The following SPTBN4 variants were observed in gnomAD, a reference collection of about 807,000 sequenced individuals.
SPTBN4 encodes the protein spectrin beta, non-erythrocytic 4.
In SPTBN4, 96 loss-of-function variants were observed where a neutral mutation model predicts 277.8. The observed-to-expected ratio is 0.35, with a 90% CI of 0.29 to 0.41. The LOEUF (loss-of-function observed/expected upper bound fraction) is 0.41. Among genes scored for constraint, SPTBN4 ranks in the 10% least tolerant of loss-of-function variants. The probability of loss-of-function intolerance (pLI) is 1.00; values close to 1 mark genes in which losing one functional copy is unlikely to be tolerated. For missense variants in SPTBN4, 3,006 were observed against 3,595.7 expected, an observed-to-expected ratio of 0.84 and a Z score of 4.19; for synonymous variants, 1,481 against 1,580.3, an observed-to-expected ratio of 0.94 and a Z score of 1.49.
At chr19:40,485,043 A>G (rs1412230681) in intron 2 of SPTBN4, among the ~76,000 whole-genome samples, 1 of 151,782 alleles carries the variant, frequency 6.6e-6, no homozygotes, top group African/African-American at 2.4e-5. Context: ...GGGTTTCACC[A>G]TGTTGGCCAG....
In SPTBN4 at chr19:40,542,104, T is replaced by G. The variant is rs937940034; in HGVS notation, c.4360-7085T>G. On this transcript the variant is annotated intron_variant, in intron 20 of 35. Transcript: ENST00000598249. ...GCCCGGCTAATTTTTGTATTTTTAG[T>G]AGAGATGGGGTTTCACCATGTTGGC... Among the ~76,000 whole-genome samples, 3 of 152,128 alleles carry G rather than the reference T, an allele frequency of 2.0e-5. No homozygotes were observed. The East Asian group carries it at 5.8e-4, about 29-fold the overall frequency.
intron 12 of SPTBN4, 53 bp downstream of exon 12, chr19:40,504,185 T>A: frequency 1.3e-6 from 2 of 1,516,190 alleles, no homozygotes; most frequent in Non-Finnish European, 1.8e-6. Flanking sequence ...GAGGGGAGGA[T>A]GCAGACGCTG....
In SPTBN4 at chr19:40,556,062, G is replaced by T. The variant is rs1423362741; in HGVS notation, c.5085-22G>T. On this transcript the variant is annotated intron_variant, in intron 24 of 35. Transcript: ENST00000598249. ...CCAGAAGTCTCAGGGGTCCATCCCTGCCCCTCCATGTCCCCCTTCAGCGAG... is the reference window on the plus strand; with the variant it reads ...CCAGAAGTCTCAGGGGTCCATCCCTTCCCCTCCATGTCCCCCTTCAGCGAG... 3.7e-6 allele frequency: 6 copies of T among 1,600,348 alleles called. No individual in the cohort carries two copies. The African/African-American group carries it at 8.0e-5, about 21-fold the overall frequency.
chr19:40,575,573 C>G lies in SPTBN4; in HGVS notation c.*4C>G. The G allele has an allele frequency of 6.2e-7, 1 of 1,607,364 alleles. No individual in the cohort carries two copies. Among genetic ancestry groups the G allele is most frequent in the Non-Finnish European group, 8.5e-7 (1 of 1,177,566 alleles). On this transcript the variant is annotated 3_prime_UTR_variant, in exon 36 of 36. Coordinates refer to ENST00000598249, the MANE Select transcript of SPTBN4 (RefSeq NM_020971.3). ...GGCCAGCGGGCGCAGGAAGTGACTT[C>G]CCACCCCCAGGACCTGACACATCTC...
In SPTBN4 at chr19:40,554,685, C is replaced by A; in HGVS notation, c.5084+39C>A. 6.3e-7 allele frequency: 1 copy of A among 1,588,952 alleles called. No individual in the cohort carries two copies. On this transcript the variant is annotated intron_variant, in intron 24 of 35. Transcript: ENST00000598249. The surrounding 1 kb of genome is among the most constrained non-coding windows in gnomAD (Gnocchi z 5.7). ...TGGCCAGTTCACAGGAATGGTCCAG[C>A]AGGACCTGAAGCTTCGCTGTTGGGA...
intron 17 of SPTBN4, among the ~76,000 whole-genome samples, chr19:40,528,074 A>AG (rs1426069451): frequency 9.3e-5 from 14 of 150,804 alleles, no homozygotes; most frequent in African/African-American, 3.2e-4. Context: ...AAAAAAAAAA[A>AG]AAGGACTCTA....
intron 3 of SPTBN4, among the ~76,000 whole-genome samples, chr19:40,488,612 G>A (rs1485556622): frequency 6.6e-6 from 1 of 152,058 alleles, no homozygotes; most frequent in East Asian, 1.9e-4. Context: ...GCAACATAAT[G>A]AGACCCCCGT....
At chr19:40,472,282 C>A (rs923473051) in intron 1 of SPTBN4, among the ~76,000 whole-genome samples, 1 of 151,886 alleles carries the variant, frequency 6.6e-6, no homozygotes, top group African/African-American at 2.4e-5. Context: ...TGGGCTCAAG[C>A]AATCCGCCCT....
chr19:40,536,912 A>G (rs1488091454), intron 20 of SPTBN4, among the ~76,000 whole-genome samples: 2 of 152,012 alleles, frequency 1.3e-5, no homozygotes, highest in Non-Finnish European at 2.9e-5. Flanking sequence ...CAGTCCCGCA[A>G]GTAGCTGGGA....
chr19:40,488,556 C>T (rs1290162412), intron 3 of SPTBN4, among the ~76,000 whole-genome samples: 1 of 152,102 alleles, frequency 6.6e-6, no homozygotes, highest in Non-Finnish European at 1.5e-5. Context: ...TTTGGGGAGC[C>T]AAGGTGGGAG....
chr19:40,560,613 T>G lies in SPTBN4; in HGVS notation c.5915+210T>G. On this transcript the variant is annotated intron_variant, in intron 27 of 35. Transcript: ENST00000598249. This position sits in a 1 kb window ranked among gnomAD's most constrained non-coding sequence, Gnocchi z 5.2. ...TGGGGACTTCGGTCATGGGGCATCC[T>G]TCTGTCCGCTGTCCTTCCCAGTTGC... is the stretch of plus-strand genomic sequence containing the variant. The G allele has an allele frequency of 6.9e-7, 1 of 1,441,142 alleles. No individual in the cohort carries two copies. The highest frequency in any genetic ancestry group is 1.5e-5 in the South Asian group (1 of 68,064). 89.3% of individuals were successfully genotyped at this position (1,441,142 alleles called of 1,614,324 possible). A position where few individuals can be genotyped will look rare whatever the true frequency, so the allele number is the denominator to read the frequency against.
intron 33 of SPTBN4, 127 bp downstream of exon 33, chr19:40,570,855 G>A: frequency 5.7e-6 from 6 of 1,056,180 alleles, no homozygotes; most frequent in Non-Finnish European, 7.7e-6. Context: ...GTAGTAGGTG[G>A]GGCCAGAGCT....
intron 26 of SPTBN4, among the ~76,000 whole-genome samples, chr19:40,559,295 G>A (rs1354176054): frequency 2.0e-5 from 3 of 152,218 alleles, no homozygotes; most frequent in Non-Finnish European, 2.9e-5. Flanking sequence ...AGTAATAAGT[G>A]GTGGATCTGT....
chr19:40,535,440 C>G (rs2080724256), intron 20 of SPTBN4, among the ~76,000 whole-genome samples: 1 of 151,936 alleles, frequency 6.6e-6, no homozygotes, highest in Non-Finnish European at 1.5e-5. Flanking sequence ...GAGAGGTGAA[C>G]TTACTTGTCC....
chr19:40,567,206 G>T (rs372273587), intron 30 of SPTBN4: 1 of 449,586 alleles, frequency 2.2e-6, no homozygotes, highest in East Asian at 7.0e-5. Flanking sequence ...ACTGAGACTC[G>T]AGGATCACTT....
chr19:40,526,167 CTTTTTTTTTT>C (rs1168105162), intron 17 of SPTBN4, among the ~76,000 whole-genome samples: 2 of 93,174 alleles, frequency 2.1e-5, no homozygotes, highest in Non-Finnish European at 4.1e-5. Context: ...AGGTGCTGTT[CTTTTTTTTTT>C]TTTTTTTTTT....
At chr19:40,572,237 T>C in intron 34 of SPTBN4, 45 bp downstream of exon 34, 1 of 1,598,730 alleles carries the variant, frequency 6.3e-7, no homozygotes, top group Non-Finnish European at 8.6e-7. Flanking sequence ...AGGCTCAGCT[T>C]CAACTCCCAG....
In SPTBN4 at chr19:40,506,375, C is replaced by T; in HGVS notation, c.1805C>T (p.Ser602Phe). 1 of 1,612,142 alleles carries T rather than the reference C, an allele frequency of 6.2e-7. No homozygotes were observed. Residue 602 changes from serine (S) to phenylalanine (F), a missense_variant, in exon 13 of 36, where the codon TCC (serine) becomes TTC (phenylalanine). By Grantham distance (155) the Ser-to-Phe change is radical. Transcript: ENST00000598249. ...EALNAAALRF[S>F]QLQGYQPCDP... ...CTCAATGCCGCTGCCCTGCGCTTCT[C>T]CCAGCTGCAGGGTGAGTCTTGGGGC...
At chr19:40,533,348 G>A (rs2080699475) in intron 19 of SPTBN4, among the ~76,000 whole-genome samples, 1 of 152,130 alleles carries the variant, frequency 6.6e-6, no homozygotes, top group African/African-American at 2.4e-5. Flanking sequence ...AATTACTGTG[G>A]TCTTGTTACT....
Sources: gnomAD v4.1 joint callset for allele counts (sites outside exome capture counted in the v4.1 genomes callset) on GRCh38, gnomAD v4.1.1 for gene constraint, Gnocchi (gnomAD v3.1) non-coding constraint, MANE v1.5 for transcripts, NCBI Gene and HGNC (gene_info 2026-07-23, HGNC 2026-07-21) for gene names.